The following EIF2AK4 variants were observed in gnomAD, a reference collection of about 807,000 sequenced individuals.
The protein encoded by EIF2AK4 is eIF-2-alpha kinase GCN2.
A neutral mutation model predicts 211.1 loss-of-function variants in EIF2AK4; 139 were observed. That is an observed-to-expected ratio of 0.66 (90% confidence interval 0.57 to 0.76). EIF2AK4 has a LOEUF of 0.76. Ranked by LOEUF, EIF2AK4 falls within the 30% of genes least tolerant of loss-of-function variation. EIF2AK4 has a pLI of 0.00. For missense variants in EIF2AK4, 1,664 were observed against 2,043.8 expected, an observed-to-expected ratio of 0.81 and a Z score of 3.58; for synonymous variants, 710 against 751.3, an observed-to-expected ratio of 0.94 and a Z score of 0.90.
At chr15:39,954,143 G>A (rs2034358152) in intron 5 of EIF2AK4, among the ~76,000 whole-genome samples, 159 bp downstream of exon 5, 1 of 152,122 alleles carries the variant, frequency 6.6e-6, no homozygotes, top group Non-Finnish European at 1.5e-5. Flanking sequence ...TAAATAGGTG[G>A]CAAAATTTAG....
chr15:40,034,476 C>A, intron 38 of EIF2AK4, 32 bp downstream of exon 38: 1 of 1,553,560 alleles, frequency 6.4e-7, no homozygotes, highest in Non-Finnish European at 8.9e-7. Flanking sequence ...GCAGGGTTCA[C>A]ATGGTTAAAA....
intron 34 of EIF2AK4, 121 bp from the exon 35 acceptor site, chr15:40,030,238 G>T (rs769936923): frequency 3.1e-6 from 3 of 982,372 alleles, no homozygotes; most frequent in East Asian, 2.7e-5. Flanking sequence ...CAGCCCAGTC[G>T]TGATCTAGCC....
At chr15:40,016,854 A>G (rs902170847) in intron 28 of EIF2AK4, among the ~76,000 whole-genome samples, 182 bp downstream of exon 28, 1 of 152,232 alleles carries the variant, frequency 6.6e-6, no homozygotes. Context: ...TTTCTTTGCA[A>G]GTGCCACTGT....
intron 25 of EIF2AK4, among the ~76,000 whole-genome samples, chr15:40,008,900 T>A (rs1429821710): frequency 2.6e-5 from 4 of 152,210 alleles, no homozygotes; most frequent in African/African-American, 9.6e-5. Flanking sequence ...GCTCGGCACA[T>A]GGCTCACCAC....
At chr15:40,032,060 T>C in intron 35 of EIF2AK4, 109 bp from the exon 36 acceptor site, 1 of 963,362 alleles carries the variant, frequency 1.0e-6, no homozygotes, top group Non-Finnish European at 1.7e-6. Context: ...TGGAATCCTT[T>C]CTAGGCTTTG....
chr15:39,942,833 C>A (rs1274654552), intron 2 of EIF2AK4, among the ~76,000 whole-genome samples: 3 of 152,202 alleles, frequency 2.0e-5, no homozygotes, highest in African/African-American at 7.2e-5. Flanking sequence ...CTAGAGGGAT[C>A]ACCAGGGCTC....
intron 4 of EIF2AK4, among the ~76,000 whole-genome samples, chr15:39,952,436 T>C (rs1414891504): frequency 6.6e-6 from 1 of 152,036 alleles, no homozygotes; most frequent in Non-Finnish European, 1.5e-5. Context: ...CCACTGCACC[T>C]GCCTAATTTT....
At chr15:39,944,432 CT>C (rs55669603) in intron 3 of EIF2AK4, among the ~76,000 whole-genome samples, 156 of 121,146 alleles carry the variant, frequency 1.3e-3, no homozygotes, top group Middle Eastern at 4.9e-3. Flanking sequence ...TTAACGATCT[CT>C]TTTTTTTTTT....
chr15:40,024,977 T>TA (rs1296138984), intron 32 of EIF2AK4, among the ~76,000 whole-genome samples: 4 of 152,124 alleles, frequency 2.6e-5, no homozygotes, highest in Non-Finnish European at 5.9e-5. Context: ...GTCCTACAGA[T>TA]AAAGTTCTCC....
rs557395609 is a variant in EIF2AK4 at position 39,969,271 on chromosome 15, C to T, written c.1553+1392C>T. The stretch of plus-strand genomic sequence containing the variant: ...CGTTTAGTAGCAAAATGAATGGGCT[C>T]GGTAGGTAAAACTTTCCTAGTTCTC... On this transcript the variant is annotated intron_variant, in intron 9 of 38. Transcript: ENST00000263791. 1.1e-3 allele frequency among the ~76,000 whole-genome samples: 160 copies of T among 151,330 alleles called. 4 individuals are homozygous for T. Among genetic ancestry groups the T allele is most frequent in the Non-Finnish European group, 2.2e-4 (15 of 67,868 alleles).
At chr15:39,962,821 C>T (rs1463505930) in intron 7 of EIF2AK4, among the ~76,000 whole-genome samples, 1 of 152,188 alleles carries the variant, frequency 6.6e-6, no homozygotes, top group African/African-American at 2.4e-5. Context: ...TTTGGTATTT[C>T]TTCCTTTACC....
At chr15:40,032,348 C>A in intron 36 of EIF2AK4, 111 bp downstream of exon 36, 1 of 877,762 alleles carries the variant, frequency 1.1e-6, no homozygotes, top group Non-Finnish European at 1.9e-6. Flanking sequence ...TGGATGCAGG[C>A]CTTATTGTGA....
intron 21 of EIF2AK4, among the ~76,000 whole-genome samples, chr15:40,002,112 G>T (rs1028492779): frequency 2.0e-5 from 3 of 152,176 alleles, no homozygotes; most frequent in Admixed American, 6.5e-5. Flanking sequence ...TGAAAGATCA[G>T]TATAGATTTT....
intron 13 of EIF2AK4, among the ~76,000 whole-genome samples, chr15:39,979,792 C>T (rs1325669060): frequency 1.3e-5 from 2 of 152,174 alleles, no homozygotes; most frequent in African/African-American, 2.4e-5. Context: ...TAGTCAGTCT[C>T]AAGTTTCAGC....
chr15:39,945,393 T>C (rs548476146), intron 3 of EIF2AK4, among the ~76,000 whole-genome samples: 2 of 152,348 alleles, frequency 1.3e-5, no homozygotes, highest in South Asian at 2.1e-4. Flanking sequence ...CACATTCCTT[T>C]ACGCCAAAGC....
intron 13 of EIF2AK4, among the ~76,000 whole-genome samples, chr15:39,979,930 A>G (rs1244840839): frequency 1.3e-5 from 2 of 152,222 alleles, no homozygotes; most frequent in Non-Finnish European, 2.9e-5. Flanking sequence ...AAAGGAAGAA[A>G]AGAGGGGAGG....
At chr15:39,998,270 G>GA (rs1555420356) in intron 19 of EIF2AK4, among the ~76,000 whole-genome samples, 1 of 125,396 alleles carries the variant, frequency 8.0e-6, no homozygotes, top group Admixed American at 8.4e-5. Flanking sequence ...TTTTTTTTTT[G>GA]TTTTGTTTTT....
At chr15:39,983,844 T>A (rs1451607509) in intron 13 of EIF2AK4, among the ~76,000 whole-genome samples, 1 of 152,264 alleles carries the variant, frequency 6.6e-6, no homozygotes, top group Non-Finnish European at 1.5e-5. Context: ...GTGCAGAGGC[T>A]CTTTAGTTTA....
chr15:40,011,717 AC>A (rs2140940032), intron 27 of EIF2AK4, among the ~76,000 whole-genome samples: 1 of 152,364 alleles, frequency 6.6e-6, no homozygotes, highest in African/African-American at 2.4e-5. Context: ...AGAAGGAGGC[AC>A]AGAATTCTGC....
Sources: gnomAD v4.1 joint callset for allele counts (sites outside exome capture counted in the v4.1 genomes callset) on GRCh38, gnomAD v4.1.1 for gene constraint, MANE v1.5 for transcripts, NCBI Gene and HGNC (gene_info 2026-07-23, HGNC 2026-07-21) for gene names.